Variants in HTR1F observed in about 807,000 individuals in gnomAD.
HTR1F encodes 5-hydroxytryptamine receptor 1F.
In HTR1F, 17 loss-of-function variants were observed where a neutral mutation model predicts 24.0. The ratio of observed to expected loss-of-function variants is 0.71; its 90% CI spans 0.48 to 1.06. The LOEUF (loss-of-function observed/expected upper bound fraction) is 1.06, where lower values mean the gene tolerates loss of function less well. HTR1F is among the 50% of genes least tolerant of loss of function. The probability of loss-of-function intolerance (pLI) is 0.00; values close to 1 mark genes in which losing one functional copy is unlikely to be tolerated. For missense variants in HTR1F, 391 were observed against 427.8 expected, an observed-to-expected ratio of 0.91 and a Z score of 0.76; for synonymous variants, 186 against 156.8, an observed-to-expected ratio of 1.19 and a Z score of -1.39.
In HTR1F at chr3:87,933,109, A is replaced by T. The variant is rs1313348904; in HGVS notation, c.-42-57599A>T. Among the ~76,000 whole-genome samples, 6 of 151,566 alleles carry T rather than the reference A, an allele frequency of 4.0e-5. No homozygotes were observed. The South Asian group carries it at 8.3e-4, about 21-fold the overall frequency. ...CAGAACCAAAGACAAAAACCACATG[A>T]TTATCTCAATAGATGCAGAAAAGGC... On this transcript the variant is annotated intron_variant, in intron 2 of 2. Transcript: ENST00000319595.
intron 2 of HTR1F, among the ~76,000 whole-genome samples, chr3:87,899,229 C>T (rs1706269081): frequency 6.6e-6 from 1 of 152,178 alleles, no homozygotes; most frequent in Non-Finnish European, 1.5e-5. Flanking sequence ...CAGTCTCAGA[C>T]ACAAAGGCGA....
At chr3:87,941,176 C>T (rs1448731274) in intron 2 of HTR1F, among the ~76,000 whole-genome samples, 2 of 152,208 alleles carry the variant, frequency 1.3e-5, no homozygotes, top group Non-Finnish European at 2.9e-5. Flanking sequence ...TCTTCTGCTT[C>T]AGGTGTCCAT....
intron 2 of HTR1F, among the ~76,000 whole-genome samples, chr3:87,863,978 G>T (rs1705369818): frequency 6.6e-6 from 1 of 152,134 alleles, no homozygotes; most frequent in African/African-American, 2.4e-5. Flanking sequence ...TCTAGAAGCT[G>T]CCCACATTCC....
intron 2 of HTR1F, among the ~76,000 whole-genome samples, chr3:87,867,045 A>G (rs1457718029): frequency 6.6e-6 from 1 of 151,950 alleles, no homozygotes; most frequent in Admixed American, 6.6e-5. Context: ...AATTGAACTG[A>G]TTTATGAGAA....
At chr3:87,917,004 A>G (rs1252849660) in intron 2 of HTR1F, among the ~76,000 whole-genome samples, 3 of 152,156 alleles carry the variant, frequency 2.0e-5, no homozygotes, top group Non-Finnish European at 4.4e-5. Flanking sequence ...CTGAAATTAT[A>G]TCAAGCACTC....
At chr3:87,863,966 T>C (rs142995089) in intron 2 of HTR1F, among the ~76,000 whole-genome samples, 3,600 of 152,318 alleles carry the variant, frequency 0.024, 66 homozygotes, top group Non-Finnish European at 0.031. Context: ...TCTTTTCTAA[T>C]GTCTAGAAGC....
rs1243177768 is a variant in HTR1F at position 87,858,915 on chromosome 3, G to C, written c.-43+36791G>C. 3.3e-5 allele frequency among the ~76,000 whole-genome samples: 5 copies of C among 152,254 alleles called. No individual in the cohort carries two copies. In the East Asian group the frequency reaches 9.7e-4, roughly 29 times the overall value. ...CTTTGTTGAGTTTAAGAAATTTTGG[G>C]CTGGATGTGTTGGCTCATGCCTGTA... On this transcript the variant is annotated intron_variant, in intron 2 of 2. Coordinates refer to ENST00000319595, the MANE Select transcript of HTR1F (RefSeq NM_001322209.2).
intron 2 of HTR1F, among the ~76,000 whole-genome samples, chr3:87,976,507 A>G (rs1178236885): frequency 6.6e-6 from 1 of 152,188 alleles, no homozygotes; most frequent in Non-Finnish European, 1.5e-5. Flanking sequence ...CTTAAAAAAA[A>G]CTGAAGTTGT....
intron 1 of HTR1F, among the ~76,000 whole-genome samples, chr3:87,797,031 G>A (rs757350393): frequency 1.3e-5 from 2 of 152,026 alleles, no homozygotes; most frequent in South Asian, 2.1e-4. Flanking sequence ...TTCAGTTACC[G>A]GCAGTCAACC....
chr3:87,885,387 G>T (rs1705912747), intron 2 of HTR1F, among the ~76,000 whole-genome samples: 1 of 152,148 alleles, frequency 6.6e-6, no homozygotes, highest in South Asian at 2.1e-4. Flanking sequence ...ACAAGAGAAA[G>T]CAGGAAAGAT....
At chr3:87,966,864 C>T (rs1324783946) in intron 2 of HTR1F, among the ~76,000 whole-genome samples, 1 of 152,040 alleles carries the variant, frequency 6.6e-6, no homozygotes, top group Admixed American at 6.5e-5. Flanking sequence ...CAACAATGTT[C>T]CTTTCCTACT....
chr3:87,825,735 T>TAA (rs1313253607), intron 2 of HTR1F, among the ~76,000 whole-genome samples: 1 of 152,190 alleles, frequency 6.6e-6, no homozygotes, highest in African/African-American at 2.4e-5. Flanking sequence ...GGAATTAACT[T>TAA]AGAATCATGT....
chr3:87,801,407 T>A (rs1468801340), intron 1 of HTR1F, among the ~76,000 whole-genome samples: 2 of 152,196 alleles, frequency 1.3e-5, no homozygotes, highest in African/African-American at 4.8e-5. Flanking sequence ...AAGTTGATTT[T>A]GCCAAGGTTA....
At chr3:87,800,667 A>C (rs1452547460) in intron 1 of HTR1F, among the ~76,000 whole-genome samples, 2 of 152,192 alleles carry the variant, frequency 1.3e-5, no homozygotes, top group African/African-American at 4.8e-5. Context: ...CACAAACAGC[A>C]TCAAAGGGAA....
chr3:87,880,648 G>GTGTT (rs1382102366), intron 2 of HTR1F, among the ~76,000 whole-genome samples: 2 of 98,782 alleles, frequency 2.0e-5, no homozygotes, highest in African/African-American at 1.1e-4. Flanking sequence ...GTGTTTGTTT[G>GTGTT]TGTGTGTGTG....
intron 2 of HTR1F, among the ~76,000 whole-genome samples, chr3:87,824,956 C>A (rs181955398): frequency 6.6e-6 from 1 of 152,108 alleles, no homozygotes; most frequent in Non-Finnish European, 1.5e-5. Context: ...TTTACACTGA[C>A]GAACAGATTT....
intron 2 of HTR1F, among the ~76,000 whole-genome samples, chr3:87,977,209 C>T (rs1316910586): frequency 6.6e-6 from 1 of 152,086 alleles, no homozygotes; most frequent in Non-Finnish European, 1.5e-5. Flanking sequence ...AGACTTATTT[C>T]ATAACTATTA....
chr3:87,840,872 T>C (rs1704787635), intron 2 of HTR1F, among the ~76,000 whole-genome samples: 2 of 151,334 alleles, frequency 1.3e-5, no homozygotes, highest in East Asian at 3.8e-4. Context: ...ATGTGGAATA[T>C]AAAAACATTG....
chr3:87,813,602 C>T (rs1575897988), intron 1 of HTR1F, among the ~76,000 whole-genome samples: 1 of 151,986 alleles, frequency 6.6e-6, no homozygotes, highest in East Asian at 1.9e-4. Context: ...TGGGAAGGGC[C>T]AGGGGCAGAA....
Sources: gnomAD v4.1 joint callset for allele counts (sites outside exome capture counted in the v4.1 genomes callset) on GRCh38, gnomAD v4.1.1 for gene constraint, MANE v1.5 for transcripts, NCBI Gene and HGNC (gene_info 2026-07-23, HGNC 2026-07-21) for gene names.